Variants in MLLT3 observed in about 807,000 individuals in gnomAD.
The protein encoded by MLLT3 is protein AF-9.
A neutral mutation model predicts 53.2 loss-of-function variants in MLLT3; 4 were observed. That is an observed-to-expected ratio of 0.08 (90% confidence interval 0.04 to 0.17). MLLT3 has a LOEUF of 0.17. MLLT3 is among the 10% of genes least tolerant of loss of function. The pLI, the probability that MLLT3 is intolerant of heterozygous loss-of-function variation, is 1.00. For missense variants in MLLT3, 569 were observed against 684.0 expected (o/e 0.83, Z 1.87); for synonymous variants, 283 against 230.6 (o/e 1.23, Z -2.06).
At chr9:20,544,791 A>G (rs113118108) in intron 2 of MLLT3, among the ~76,000 whole-genome samples, 163 of 152,310 alleles carry the variant, frequency 1.1e-3, no homozygotes, top group African/African-American at 3.8e-3. Context: ...CCCCACGTTC[A>G]ATGAAGCATT....
At chr9:20,357,049 T>C (rs986694620) in intron 8 of MLLT3, among the ~76,000 whole-genome samples, 4 of 152,238 alleles carry the variant, frequency 2.6e-5, no homozygotes, top group African/African-American at 9.6e-5. Context: ...TTATTTATGA[T>C]CATTTCTTAT....
intron 2 of MLLT3, among the ~76,000 whole-genome samples, chr9:20,470,228 T>G (rs1188165990): frequency 3.3e-5 from 5 of 151,904 alleles, no homozygotes; most frequent in Non-Finnish European, 7.4e-5. Context: ...TAGGAAAATG[T>G]GGAAAGTATA....
chr9:20,444,524 G>A (rs1823641464), intron 4 of MLLT3, among the ~76,000 whole-genome samples: 1 of 152,030 alleles, frequency 6.6e-6, no homozygotes, highest in African/African-American at 2.4e-5. Flanking sequence ...TTTAAAGTAA[G>A]TTCTCAAGTT....
intron 2 of MLLT3, among the ~76,000 whole-genome samples, chr9:20,562,990 T>C (rs1003493382): frequency 6.6e-6 from 1 of 152,120 alleles, no homozygotes; most frequent in African/African-American, 2.4e-5. Flanking sequence ...CCGTCCCCCA[T>C]TCCCATCCAG....
rs1407202157 is a variant in MLLT3, at chr9:20,360,749, T to C, written c.1424A>G (p.Asn475Ser). Residue 475 changes from asparagine to serine, a missense_variant, in exon 8 of 11, where the codon AAC becomes AGC. Coordinates refer to ENST00000380338, the MANE Select transcript of MLLT3 (RefSeq NM_004529.4). Reference sequence around the variant, plus strand: ...GCAAACCCCACAATTTACCTGGTTGTTGTTGGTTTTTAGTAAGGGTGGTGG... The same window carrying C: ...GCAAACCCCACAATTTACCTGGTTGCTGTTGGTTTTTAGTAAGGGTGGTGG... ...EPPPPLLKTN[N>S]NQILEVKSPI... The C allele has an allele frequency of 1.2e-6, 2 of 1,613,396 alleles. No homozygotes were observed. Among genetic ancestry groups the C allele is most frequent in the East Asian group, 2.2e-5 (1 of 44,902 alleles).
chr9:20,524,037 A>G (rs73432546), intron 2 of MLLT3, among the ~76,000 whole-genome samples: 9,033 of 151,542 alleles, frequency 0.06, 711 homozygotes, highest in African/African-American at 0.17. Context: ...GGGAAGTGGC[A>G]GGGAGAAGGG....
chr9:20,391,266 G>T (rs1304679221), intron 5 of MLLT3, among the ~76,000 whole-genome samples: 1 of 152,170 alleles, frequency 6.6e-6, no homozygotes, highest in African/African-American at 2.4e-5. Flanking sequence ...GATTATCTGT[G>T]TTTAGAAAAT....
intron 9 of MLLT3, 85 bp from the exon 10 acceptor site, chr9:20,353,681 G>A: frequency 8.6e-7 from 1 of 1,162,516 alleles, no homozygotes; most frequent in Non-Finnish European, 1.3e-6. Flanking sequence ...AGAACACACA[G>A]GCAGCAGCAG....
chr9:20,380,018 G>A (rs1821868106), intron 5 of MLLT3, among the ~76,000 whole-genome samples: 1 of 151,998 alleles, frequency 6.6e-6, no homozygotes. Context: ...GTATTGCCCA[G>A]TGAGCTAACA....
At chr9:20,450,095 T>C (rs999352204) in intron 3 of MLLT3, among the ~76,000 whole-genome samples, 1 of 152,246 alleles carries the variant, frequency 6.6e-6, no homozygotes, top group East Asian at 1.9e-4. Flanking sequence ...TCCTATCCTC[T>C]GTTATCTTGG....
intron 2 of MLLT3, among the ~76,000 whole-genome samples, chr9:20,554,941 G>T (rs1819016846): frequency 6.6e-6 from 1 of 152,210 alleles, no homozygotes; most frequent in South Asian, 2.1e-4. Context: ...ACTGCCTAAT[G>T]AACGGTGGAA....
chr9:20,587,003 C>G (rs1819984882), intron 2 of MLLT3, among the ~76,000 whole-genome samples: 1 of 151,936 alleles, frequency 6.6e-6, no homozygotes, highest in Non-Finnish European at 1.5e-5. Flanking sequence ...TAATTTTCCT[C>G]AAACTTTCTA....
chr9:20,458,043 C>G (rs190049631), intron 2 of MLLT3, among the ~76,000 whole-genome samples: 136 of 152,274 alleles, frequency 8.9e-4, no homozygotes, highest in Non-Finnish European at 4.3e-4. Context: ...CAAATGTGCC[C>G]AGCATTTCCC....
intron 2 of MLLT3, among the ~76,000 whole-genome samples, chr9:20,584,111 T>C (rs1168882226): frequency 6.6e-6 from 1 of 152,132 alleles, no homozygotes; most frequent in African/African-American, 2.4e-5. Flanking sequence ...CTAAATCATC[T>C]CTCTCAAGTT....
At chr9:20,523,970 C>CA (rs112024673) in intron 2 of MLLT3, among the ~76,000 whole-genome samples, 7,965 of 124,692 alleles carry the variant, frequency 0.064, 669 homozygotes, top group African/African-American at 0.2. Context: ...GAACCCATCT[C>CA]AAAAAAAAAA....
intron 2 of MLLT3, among the ~76,000 whole-genome samples, chr9:20,460,613 G>C (rs949294482): frequency 6.6e-6 from 1 of 152,068 alleles, no homozygotes; most frequent in African/African-American, 2.4e-5. Flanking sequence ...CCCCTTCAAA[G>C]TCAGCAACCA....
At chr9:20,348,897 C>A (rs1283187610) in intron 10 of MLLT3, among the ~76,000 whole-genome samples, 1 of 152,080 alleles carries the variant, frequency 6.6e-6, no homozygotes, top group Non-Finnish European at 1.5e-5. Context: ...CATATACTTA[C>A]TATATAATTA....
At chr9:20,472,856 A>T (rs942336774) in intron 2 of MLLT3, among the ~76,000 whole-genome samples, 1 of 151,986 alleles carries the variant, frequency 6.6e-6, no homozygotes, top group Admixed American at 6.6e-5. Flanking sequence ...CTCCCAAAGA[A>T]ACTTCAACTG....
At chr9:20,403,208 T>G (rs41434653) in intron 5 of MLLT3, among the ~76,000 whole-genome samples, 1,533 of 152,224 alleles carry the variant, frequency 0.01, 20 homozygotes, top group African/African-American at 0.033. Flanking sequence ...AGTTGTTGAA[T>G]GAGATTTCTG....
Sources: gnomAD v4.1 joint callset for allele counts (sites outside exome capture counted in the v4.1 genomes callset) on GRCh38, gnomAD v4.1.1 for gene constraint, MANE v1.5 for transcripts, NCBI Gene and HGNC (gene_info 2026-07-23, HGNC 2026-07-21) for gene names.